Variants in ARMC2 observed in about 807,000 individuals in gnomAD.
ARMC2 encodes armadillo repeat-containing protein 2.
A neutral mutation model predicts 90.3 loss-of-function variants in ARMC2; 67 were observed. That is an observed-to-expected ratio of 0.74 (90% CI 0.61 to 0.91). The LOEUF (loss-of-function observed/expected upper bound fraction) is 0.91, where lower values mean the gene tolerates loss of function less well. Ranked by LOEUF, ARMC2 falls within the 40% of genes least tolerant of loss-of-function variation. The probability of loss-of-function intolerance (pLI) is 0.00; values close to 1 mark genes in which losing one functional copy is unlikely to be tolerated. For missense variants in ARMC2, 920 were observed against 1,030.9 expected (o/e 0.89, Z 1.47); for synonymous variants, 393 against 393.0 (o/e 1.00, Z 0.00).
At chr6:108,998,146 CAA>C in the ARMC2 span, among the ~76,000 whole-genome samples, 3 of 152,162 alleles carry the variant, frequency 2.0e-5, no homozygotes, top group East Asian at 1.9e-4. Flanking sequence ...GTGATTGGCA[CAA>C]AAAGTCTCCA....
intron 10 of ARMC2, among the ~76,000 whole-genome samples, chr6:108,915,507 C>T (rs946189735): frequency 6.6e-6 from 1 of 152,082 alleles, no homozygotes; most frequent in Non-Finnish European, 1.5e-5. Context: ...TCTGGCACAG[C>T]GTTAGAGTCA....
chr6:108,925,237 C>A (rs905245976), intron 10 of ARMC2, among the ~76,000 whole-genome samples: 1 of 152,152 alleles, frequency 6.6e-6, no homozygotes, highest in Admixed American at 6.5e-5. Flanking sequence ...TTTTACTCCT[C>A]TGCTTTCAAA....
the ARMC2 span, among the ~76,000 whole-genome samples, chr6:109,045,178 C>G: frequency 1.3e-5 from 2 of 152,082 alleles, no homozygotes; most frequent in African/African-American, 2.4e-5. Context: ...CCTCTGACAC[C>G]CTTACTAACC....
chr6:108,867,948 A>C (rs1204008353), intron 3 of ARMC2, among the ~76,000 whole-genome samples: 2 of 152,138 alleles, frequency 1.3e-5, no homozygotes, highest in East Asian at 1.9e-4. Context: ...ATAAATAAAT[A>C]AATCAATAAA....
intron 12 of ARMC2, among the ~76,000 whole-genome samples, chr6:108,946,808 T>C (rs1776840047): frequency 6.6e-6 from 1 of 152,204 alleles, no homozygotes; most frequent in Non-Finnish European, 1.5e-5. Context: ...CATAGTTTAT[T>C]CTTTCTGTGA....
chr6:108,905,741 CAT>C (rs1282844456), intron 8 of ARMC2, among the ~76,000 whole-genome samples: 1 of 152,160 alleles, frequency 6.6e-6, no homozygotes, highest in Non-Finnish European at 1.5e-5. Context: ...TTGAACTAAA[CAT>C]ATGATTAGAT....
chr6:108,998,845 T>C, the ARMC2 span: 1 of 1,399,558 alleles, frequency 7.1e-7, no homozygotes, highest in Non-Finnish European at 9.6e-7. Flanking sequence ...ATTGAAAACA[T>C]GAGTCATCAT....
At chr6:109,013,596 T>C in the ARMC2 span, among the ~76,000 whole-genome samples, 4 of 152,368 alleles carry the variant, frequency 2.6e-5, no homozygotes, top group South Asian at 8.3e-4. Context: ...ATCATACTTT[T>C]ATGGACCACA....
intron 12 of ARMC2, among the ~76,000 whole-genome samples, chr6:108,951,183 A>G (rs903478185): frequency 6.6e-6 from 1 of 152,174 alleles, no homozygotes; most frequent in African/African-American, 2.4e-5. Flanking sequence ...TGGGACTCAT[A>G]ATCCCCTTTC....
chr6:108,994,735 C>T, the ARMC2 span: 2 of 804,900 alleles, frequency 2.5e-6, no homozygotes, highest in East Asian at 3.9e-5. Flanking sequence ...CAGAGTCTTG[C>T]TCTGTTGCCC....
At chr6:109,051,457 G>A in the ARMC2 span, among the ~76,000 whole-genome samples, 4 of 152,230 alleles carry the variant, frequency 2.6e-5, no homozygotes, top group African/African-American at 4.8e-5. Context: ...ACTCTTTGAA[G>A]GAGAAAATGT....
At chr6:108,856,689 C>A in intron 2 of ARMC2, 1 of 155,274 alleles carries the variant, frequency 6.4e-6, no homozygotes, top group South Asian at 1.9e-4. Flanking sequence ...TCTTTTAAAG[C>A]AGTATTAACA....
intron 8 of ARMC2, among the ~76,000 whole-genome samples, chr6:108,909,684 T>C (rs1439522192): frequency 6.6e-6 from 1 of 152,076 alleles, no homozygotes; most frequent in African/African-American, 2.4e-5. Context: ...TACAGGCGCG[T>C]GCCACCACAC....
the ARMC2 span, among the ~76,000 whole-genome samples, chr6:109,008,280 C>T: frequency 2.0e-5 from 3 of 152,126 alleles, no homozygotes; most frequent in African/African-American, 7.2e-5. Context: ...GAGAAAAGAT[C>T]TATTATGACC....
chr6:108,862,205 G>T (rs753857168), intron 3 of ARMC2, among the ~76,000 whole-genome samples: 4 of 151,944 alleles, frequency 2.6e-5, no homozygotes, highest in African/African-American at 4.8e-5. Flanking sequence ...TTAGCCAGGT[G>T]TGGTGGCGCA....
chr6:108,997,197 T>TC, the ARMC2 span, among the ~76,000 whole-genome samples: 1 of 152,214 alleles, frequency 6.6e-6, no homozygotes, highest in Non-Finnish European at 1.5e-5. Flanking sequence ...AATAGGAAGC[T>TC]TATTAGAGAA....
At chr6:108,909,313 T>C (rs1773152441) in intron 8 of ARMC2, among the ~76,000 whole-genome samples, 1 of 152,188 alleles carries the variant, frequency 6.6e-6, no homozygotes, top group Non-Finnish European at 1.5e-5. Context: ...TATGATAGTA[T>C]TGATGTCCCA....
the ARMC2 span, among the ~76,000 whole-genome samples, chr6:109,028,096 C>T: frequency 6.6e-6 from 1 of 151,918 alleles, no homozygotes; most frequent in Non-Finnish European, 1.5e-5. Flanking sequence ...TTTAATGTCT[C>T]ATGCTTGTAT....
At chr6:109,003,008 A>C in the ARMC2 span, among the ~76,000 whole-genome samples, 2 of 152,056 alleles carry the variant, frequency 1.3e-5, no homozygotes, top group Non-Finnish European at 2.9e-5. Flanking sequence ...ATTGAGAAAT[A>C]GTTTTCTGAC....
Sources: gnomAD v4.1 joint callset for allele counts (sites outside exome capture counted in the v4.1 genomes callset) on GRCh38, gnomAD v4.1.1 for gene constraint, MANE v1.5 for transcripts, NCBI Gene and HGNC (gene_info 2026-07-23, HGNC 2026-07-21) for gene names.